NLRP4: variants seen among roughly 807,000 people sequenced by gnomAD.
The protein encoded by NLRP4 is NLR family pyrin domain containing 4, also known as NACHT, LRR and PYD domains-containing protein 4.
NLRP4 carries 44 observed loss-of-function variants against 84.7 expected under a neutral mutation model. The observed-to-expected ratio is 0.52, with a 90% CI of 0.41 to 0.67. The LOEUF (loss-of-function observed/expected upper bound fraction) is 0.67. Among genes scored for constraint, NLRP4 ranks in the 30% least tolerant of loss-of-function variants. The pLI, the probability that NLRP4 is intolerant of heterozygous loss-of-function variation, is 0.00. For synonymous variants in NLRP4, 544 were observed against 476.4 expected, an observed-to-expected ratio of 1.14 and a Z score of -1.85; for missense variants, 1,260 against 1,219.4, an observed-to-expected ratio of 1.03 and a Z score of -0.50.
intron 1 of NLRP4, among the ~76,000 whole-genome samples, chr19:55,849,056 G>T (rs1406667471): frequency 6.6e-6 from 1 of 152,110 alleles, no homozygotes; most frequent in Non-Finnish European, 1.5e-5. Flanking sequence ...AAATTACCCA[G>T]TCTTGGGTAA....
rs967412611 is a variant in NLRP4, at chr19:55,874,355, G to A, written c.2526-2641G>A. 4.6e-5 allele frequency among the ~76,000 whole-genome samples: 7 copies of A among 152,074 alleles called. No individual in the cohort carries two copies. The East Asian group carries it at 1.2e-3, about 25-fold the overall frequency. On this transcript the variant is annotated intron_variant, in intron 7 of 9. Transcript: ENST00000301295. ...GGTTCACTATGTATTTTATACTATG[G>A]CACATCTAGATTCAGACAAGCTACA...
intron 9 of NLRP4, among the ~76,000 whole-genome samples, chr19:55,881,208 C>A (rs1985576035): frequency 6.9e-6 from 1 of 144,288 alleles, no homozygotes; most frequent in East Asian, 2.2e-4. Flanking sequence ...AAGTGGGCAG[C>A]TCAAAATTGG....
At position 55,878,781 on chromosome 19, in the gene NLRP4, CTT is replaced by C; in HGVS notation, c.2697-9_2697-8del. On this transcript the variant is annotated splice_polypyrimidine_tract_variant and intron_variant, in intron 8 of 9. Coordinates refer to ENST00000301295, the MANE Select transcript of NLRP4 (RefSeq NM_134444.5). The stretch of plus-strand genomic sequence containing the variant: ...GCTGGGGCCGCATCTTACCATGTGT[CTT>C]TTTATTGCAGGTTGGAAGAATGTGG... The C allele has an allele frequency of 6.2e-7, 1 of 1,606,300 alleles. No homozygotes were observed. Among genetic ancestry groups the C allele is most frequent in the South Asian group, 1.1e-5 (1 of 90,114 alleles).
rs534693614 is a variant in NLRP4 at position 55,854,993 on chromosome 19, G to T, written c.280+2633G>T. ...CCCGCCTTGGCTTCCCAAAGGGCTA[G>T]GATTACAGGTGTGAACCACCACACC... On this transcript the variant is annotated intron_variant, in intron 2 of 9. Coordinates refer to ENST00000301295, the MANE Select transcript of NLRP4 (RefSeq NM_134444.5). 8.5e-5 allele frequency among the ~76,000 whole-genome samples: 13 copies of T among 152,280 alleles called. No homozygotes were observed. The South Asian group carries it at 1.5e-3, about 17-fold the overall frequency.
chr19:55,866,476 C>T (rs951855030), intron 5 of NLRP4, among the ~76,000 whole-genome samples: 8 of 152,186 alleles, frequency 5.3e-5, no homozygotes, highest in Admixed American at 2.6e-4. Context: ...TGGCTTTCAT[C>T]TTTATTCTGT....
At chr19:55,863,761 G>A (rs1334907718) in intron 5 of NLRP4, among the ~76,000 whole-genome samples, 2 of 152,176 alleles carry the variant, frequency 1.3e-5, no homozygotes, top group African/African-American at 2.4e-5. Context: ...GGTAACTCAA[G>A]TGCCTTAAAT....
intron 1 of NLRP4, among the ~76,000 whole-genome samples, chr19:55,849,104 A>C (rs1201638189): frequency 6.6e-6 from 1 of 152,134 alleles, no homozygotes; most frequent in Non-Finnish European, 1.5e-5. Flanking sequence ...CTAATACACC[A>C]CACTTAAGAG....
At chr19:55,857,651 T>C in intron 2 of NLRP4, 23 bp from the exon 3 acceptor site, 1 of 1,604,264 alleles carries the variant, frequency 6.2e-7, no homozygotes, top group Non-Finnish European at 8.5e-7. Flanking sequence ...GGGTTTTCTC[T>C]CCTCTTGCCC....
rs771860292 is a variant in NLRP4 at position 55,881,633 on chromosome 19, GA to G, written c.*47del. 2 of 891,526 alleles carry G rather than the reference GA, an allele frequency of 2.2e-6. No homozygotes were observed. Among genetic ancestry groups the G allele is most frequent in the East Asian group, 4.9e-5 (2 of 41,102 alleles). The allele number at this position is 891,526 out of a possible 1,614,324, so 55.2% of individuals were successfully genotyped here. ...GACTCGAACACCTGCAAAGGACAGGGACTGGGACCGTTACTTACATGACACT... is the reference window on the plus strand; with the variant it reads ...GACTCGAACACCTGCAAAGGACAGGGCTGGGACCGTTACTTACATGACACT... On this transcript the variant is annotated 3_prime_UTR_variant, in exon 10 of 10. Coordinates refer to ENST00000301295, the MANE Select transcript of NLRP4 (RefSeq NM_134444.5).
chr19:55,854,242 G>T (rs993827470), intron 2 of NLRP4, among the ~76,000 whole-genome samples: 1 of 152,132 alleles, frequency 6.6e-6, no homozygotes, highest in Non-Finnish European at 1.5e-5. Context: ...TAAGTATTGG[G>T]ATTACAGGCA....
intron 7 of NLRP4, among the ~76,000 whole-genome samples, chr19:55,874,548 A>G (rs981621495): frequency 2.6e-5 from 4 of 152,204 alleles, no homozygotes; most frequent in Admixed American, 6.5e-5. Context: ...TCAAGACTCA[A>G]TAAGCTTCTA....
chr19:55,857,667 G>C lies in NLRP4; in HGVS notation c.281-7G>C. ...GGTTTTCTCTCCTCTTGCCCTCACT[G>C]ACTCAGGATACACAAAGACCTATCA... On this transcript the variant is annotated splice_polypyrimidine_tract_variant and splice_region_variant and intron_variant, in intron 2 of 9. Coordinates refer to ENST00000301295, the MANE Select transcript of NLRP4 (RefSeq NM_134444.5). The C allele has an allele frequency of 6.2e-7, 1 of 1,611,022 alleles. No individual in the cohort carries two copies. The highest frequency in any genetic ancestry group is 8.5e-7 in the Non-Finnish European group (1 of 1,179,598).
intron 3 of NLRP4, among the ~76,000 whole-genome samples, chr19:55,861,094 T>C (rs1248555889): frequency 6.6e-6 from 1 of 152,176 alleles, no homozygotes; most frequent in Non-Finnish European, 1.5e-5. Context: ...TGTAGGATGT[T>C]CAGAAACATC....
At position 55,858,476 on chromosome 19, in the gene NLRP4, G is replaced by T; in HGVS notation, c.1083G>T (p.Leu361=). 6.2e-7 allele frequency: 1 copy of T among 1,614,034 alleles called. No individual in the cohort carries two copies. The highest frequency in any genetic ancestry group is 1.1e-5 in the South Asian group (1 of 91,070). The part of the protein sequence containing the change: ...LKQEMQKGKD[L]ALTCQSTTSV... ...AAGAGATGCAGAAAGGAAAAGACCT[G>T]GCCCTGACCTGCCAGAGCACTACCT... The change falls in exon 3 of 10, where the codon CTG becomes CTT. Residue 361 remains leucine, a synonymous_variant. Transcript: ENST00000301295. The surrounding 1 kb of genome is among the most constrained non-coding windows in gnomAD (Gnocchi z 4.2).
chr19:55,869,573 A>C (rs1985094513), intron 6 of NLRP4, among the ~76,000 whole-genome samples: 1 of 152,114 alleles, frequency 6.6e-6, no homozygotes, highest in African/African-American at 2.4e-5. Context: ...TTATTGCCAG[A>C]TATCCCAGTT....
At chr19:55,849,611 A>T (rs911889892) in intron 1 of NLRP4, among the ~76,000 whole-genome samples, 4 of 152,358 alleles carry the variant, frequency 2.6e-5, no homozygotes, top group African/African-American at 9.6e-5. Flanking sequence ...CAGTTGTTCC[A>T]GCACCATTTA....
At chr19:55,842,105 C>T (rs905472198) in intron 1 of NLRP4, among the ~76,000 whole-genome samples, 7 of 152,152 alleles carry the variant, frequency 4.6e-5, no homozygotes, top group African/African-American at 1.7e-4. Context: ...TTGTTATTTT[C>T]TTTAGCCATT....
chr19:55,860,541 C>T (rs189154714), intron 3 of NLRP4, among the ~76,000 whole-genome samples: 1 of 152,236 alleles, frequency 6.6e-6, no homozygotes, highest in East Asian at 1.9e-4. Context: ...ATGATCGTGC[C>T]ACTGTATAAC....
At chr19:55,872,004 C>G (rs751377953) in intron 7 of NLRP4, among the ~76,000 whole-genome samples, 1 of 151,928 alleles carries the variant, frequency 6.6e-6, no homozygotes, top group South Asian at 2.1e-4. Context: ...CCCGCCACCA[C>G]GCCTGGCTAA....
Sources: gnomAD v4.1 joint callset for allele counts (sites outside exome capture counted in the v4.1 genomes callset) on GRCh38, gnomAD v4.1.1 for gene constraint, Gnocchi (gnomAD v3.1) non-coding constraint, MANE v1.5 for transcripts, NCBI Gene and HGNC (gene_info 2026-07-23, HGNC 2026-07-21) for gene names.